TMEM100: variants seen among roughly 807,000 people sequenced by gnomAD.
The protein encoded by TMEM100 is transmembrane protein 100.
For missense variants in TMEM100, 137 were observed against 168.2 expected, an observed-to-expected ratio of 0.81 and a Z score of 1.02; for synonymous variants, 61 against 67.1, an observed-to-expected ratio of 0.91 and a Z score of 0.44.
At position 55,720,810 on chromosome 17, in the gene TMEM100, G is replaced by A; in HGVS notation, c.261C>T (p.Ile87=). ...CAGATGACAGAACAACCAGGCCAAA[G>A]ATGGAGATAATAGACCCATGGGAAT... ...SFNSHGSIIS[I]FGLVVLSSGL... Residue 87 remains isoleucine (I), a synonymous_variant, in exon 2 of 2, where the codon ATC becomes ATT. Transcript: ENST00000424486. The A allele has an allele frequency of 1.9e-6, 3 of 1,614,222 alleles. No individual in the cohort carries two copies. The highest frequency in any genetic ancestry group is 2.5e-6 in the Non-Finnish European group (3 of 1,180,036).
upstream of TMEM100, chr17:55,727,662 T>G (rs1909105126): frequency 6.6e-6 from 1 of 152,198 alleles, no homozygotes; most frequent in South Asian, 2.1e-4. Flanking sequence ...ATTTCTAGGC[T>G]TTGACACCAA....
rs1908937361 is a variant in TMEM100 at position 55,722,697 on chromosome 17, C to T, written c.-144G>A. The T allele has an allele frequency of 6.6e-6, 1 of 152,230 alleles. No homozygotes were observed. Among genetic ancestry groups the T allele is most frequent in the African/African-American group, 2.4e-5 (1 of 41,446 alleles). 9.4% of individuals were successfully genotyped at this position (152,230 alleles called of 1,614,324 possible). On this transcript the variant is annotated 5_prime_UTR_variant, in exon 1 of 2. Coordinates refer to ENST00000424486, the MANE Select transcript of TMEM100 (RefSeq NM_018286.3). ...AACAGCAACGCCTGAGCCTCTTCGT[C>T]CAACTTCTGGGAAAGAGCCTCTAAC...
chr17:55,726,320 G>A (rs1909073200), upstream of TMEM100, among the ~76,000 whole-genome samples: 1 of 152,124 alleles, frequency 6.6e-6, no homozygotes, highest in Admixed American at 6.6e-5. Context: ...AGGGGAGAGG[G>A]GTCTGGGAGT....
rs77955953 is a variant in TMEM100 at position 55,720,588 on chromosome 17, C to T, written c.*78G>A. On this transcript the variant is annotated 3_prime_UTR_variant, in exon 2 of 2. Transcript: ENST00000424486. ...CCAACGCCAAGTCTGTTCTCTCCCA[C>T]CATGGTTCTGGGTGAATTGGGTGAC... 2.6e-6 allele frequency: 4 copies of T among 1,517,584 alleles called. No homozygotes were observed. In the East Asian group the frequency reaches 9.0e-5, roughly 34 times the overall value. The allele number at this position is 1,517,584 out of a possible 1,614,324, so 94.0% of individuals were successfully genotyped here. A position where few individuals can be genotyped will look rare whatever the true frequency, so the allele number is the denominator to read the frequency against.
upstream of TMEM100, among the ~76,000 whole-genome samples, chr17:55,726,218 C>T (rs1006279026): frequency 6.6e-6 from 1 of 152,128 alleles, no homozygotes; most frequent in African/African-American, 2.4e-5. Flanking sequence ...AACGGCAGAG[C>T]TGGGAACATT....
At chr17:55,729,064 G>T (rs1909139337) in intron 1 of TMEM100, among the ~76,000 whole-genome samples, 1 of 152,220 alleles carries the variant, frequency 6.6e-6, no homozygotes, top group Non-Finnish European at 1.5e-5. Flanking sequence ...GGCGAGTTTG[G>T]ACTTTCTTTT....
chr17:55,725,124 C>A (rs1373831496), upstream of TMEM100, among the ~76,000 whole-genome samples: 1 of 152,232 alleles, frequency 6.6e-6, no homozygotes, highest in East Asian at 1.9e-4. Context: ...TTTACCTCTT[C>A]AAATTGAAAT....
rs749852025 is a variant in TMEM100 at position 55,720,890 on chromosome 17, C to A, written c.181G>T (p.Ala61Ser). 1.9e-6 allele frequency: 3 copies of A among 1,614,074 alleles called. No homozygotes were observed. In the African/African-American group the frequency reaches 4.0e-5, roughly 22 times the overall value. Residue 61 changes from alanine (A) to serine (S), a missense_variant, in exon 2 of 2, where the codon GCT becomes TCT. By Grantham distance (99) the Ala-to-Ser change is moderately conservative (BLOSUM62 1). Coordinates refer to ENST00000424486, the MANE Select transcript of TMEM100 (RefSeq NM_018286.3). ...LSCYRCIIPF[A>S]VVVFIAGIVV... ...ATGCCGGCGATGAAGACAACCACAG[C>A]AAAGGGGATGATGCAGCGGTAGCAG...
chr17:55,727,701 G>A (rs753566842), upstream of TMEM100: 9 of 152,220 alleles, frequency 5.9e-5, no homozygotes, highest in South Asian at 2.1e-4. Context: ...AAATCACCTC[G>A]CAACATGTAA....
At chr17:55,728,162 C>A (rs1031632952) in intron 1 of TMEM100, among the ~76,000 whole-genome samples, 5 of 152,156 alleles carry the variant, frequency 3.3e-5, no homozygotes, top group Admixed American at 3.3e-4. Flanking sequence ...ATAACACAGT[C>A]ATCTCTCAGG....
chr17:55,724,597 G>A (rs1827119968), upstream of TMEM100, among the ~76,000 whole-genome samples: 1 of 152,308 alleles, frequency 6.6e-6, no homozygotes, highest in Non-Finnish European at 1.5e-5. Context: ...TAACAGAGCT[G>A]TCTTCTCACC....
chr17:55,728,503 G>A (rs1187756413), intron 1 of TMEM100, among the ~76,000 whole-genome samples: 3 of 152,148 alleles, frequency 2.0e-5, no homozygotes, highest in Non-Finnish European at 2.9e-5. Context: ...TGGTACCTGC[G>A]GAATCCGTGG....
chr17:55,725,278 C>A (rs886320012), upstream of TMEM100, among the ~76,000 whole-genome samples: 3 of 152,140 alleles, frequency 2.0e-5, no homozygotes, highest in South Asian at 6.2e-4. Flanking sequence ...CACAATGCAA[C>A]CAGCCTTATT....
At position 55,720,191 on chromosome 17, in the gene TMEM100, A is replaced by T. The variant is rs1341909890; in HGVS notation, c.*475T>A. ...ATAAAATGAAAACAGACGCCAGTGA[A>T]TCAATGTATTGAAAAAAATTATCAC... On this transcript the variant is annotated 3_prime_UTR_variant, in exon 2 of 2. Coordinates refer to ENST00000424486, the MANE Select transcript of TMEM100 (RefSeq NM_018286.3). 1 of 153,898 alleles carries T rather than the reference A, an allele frequency of 6.5e-6. No homozygotes were observed. Among genetic ancestry groups the T allele is most frequent in the East Asian group, 1.9e-4 (1 of 5,212 alleles). 9.5% of individuals were successfully genotyped at this position (153,898 alleles called of 1,614,324 possible). A position where few individuals can be genotyped will look rare whatever the true frequency, so the allele number is the denominator to read the frequency against.
At chr17:55,728,547 C>T (rs1909127755) in intron 1 of TMEM100, among the ~76,000 whole-genome samples, 1 of 152,236 alleles carries the variant, frequency 6.6e-6, no homozygotes, top group African/African-American at 2.4e-5. Context: ...CTTCAAAAGT[C>T]ACCCAGGCCA....
chr17:55,720,995 T>C lies in TMEM100; in HGVS notation c.76A>G (p.Lys26Glu), dbSNP rs1317530619. The C allele has an allele frequency of 1.9e-6, 3 of 1,614,174 alleles. No homozygotes were observed. The Admixed American group carries it at 5.0e-5, about 27-fold the overall frequency. ...HMAATMEKSP[K>E]SEVVITTVPL... ...ACTGTGGTGATCACAACTTCACTCT[T>C]GGGGCTCTTCTCCATCGTCGCTGCC... The change falls in exon 2 of 2, where the codon AAG (lysine) becomes GAG (glutamate). Residue 26 changes from lysine (K) to glutamate (E), a missense_variant. Coordinates refer to ENST00000424486, the MANE Select transcript of TMEM100 (RefSeq NM_018286.3).
At chr17:55,728,064 G>T (rs910361557) in intron 1 of TMEM100, 2 of 152,190 alleles carry the variant, frequency 1.3e-5, no homozygotes, top group Admixed American at 1.3e-4. Context: ...CAGAACCTGG[G>T]CTCCTTCCTT....
intron 1 of TMEM100, among the ~76,000 whole-genome samples, chr17:55,728,946 C>T (rs1271475035): frequency 6.6e-6 from 1 of 152,182 alleles, no homozygotes; most frequent in East Asian, 1.9e-4. Context: ...AAGTCTTCTA[C>T]AAAGAGCACT....
Position 55,721,079 on chromosome 17 carries a change from C to A in TMEM100, c.-9G>T. On this transcript the variant is annotated 5_prime_UTR_variant, in exon 2 of 2. Coordinates refer to ENST00000424486, the MANE Select transcript of TMEM100 (RefSeq NM_018286.3). ...ATGGGCTCTTCAGTCATTTTTACAA[C>A]AGTGCTTCTAAGCTGGGTTTACAGA... 6.2e-7 allele frequency: 1 copy of A among 1,600,104 alleles called. No homozygotes were observed. The highest frequency in any genetic ancestry group is 1.1e-5 in the South Asian group (1 of 88,306).
Sources: allele counts gnomAD v4.1 joint callset (sites outside exome capture counted in the v4.1 genomes callset), GRCh38; gene constraint gnomAD v4.1.1; transcripts MANE v1.5; gene names NCBI Gene and HGNC (gene_info 2026-07-23, HGNC 2026-07-21).